Variants in NBEA observed in about 807,000 individuals in gnomAD.
NBEA encodes the protein lysosomal-trafficking regulator 2.
In NBEA, 44 loss-of-function variants were observed where a neutral mutation model predicts 343.4. The ratio of observed to expected loss-of-function variants is 0.13; its 90% CI spans 0.10 to 0.16. NBEA has a LOEUF of 0.16. Ranked by LOEUF, NBEA falls within the 10% of genes least tolerant of loss-of-function variation. The pLI is 1.00. For missense variants in NBEA, 2,555 were observed against 3,631.3 expected (o/e 0.70, Z 7.62); for synonymous variants, 1,175 against 1,238.7 (o/e 0.95, Z 1.08).
At chr13:35,488,730 T>G (rs1566211127) in intron 41 of NBEA, among the ~76,000 whole-genome samples, 1 of 152,018 alleles carries the variant, frequency 6.6e-6, no homozygotes, top group East Asian at 1.9e-4. Flanking sequence ...ATGTGAAAAT[T>G]TGTAAATTAA....
At chr13:35,236,506 G>A (rs868196586) in intron 34 of NBEA, among the ~76,000 whole-genome samples, 6 of 152,128 alleles carry the variant, frequency 3.9e-5, no homozygotes, top group Middle Eastern at 3.4e-3. Context: ...GAGTGTAGTG[G>A]CACTATCTTG....
At chr13:35,158,975 A>G (rs1334136563) in intron 21 of NBEA, 41 bp from the exon 22 acceptor site, 14 of 1,437,530 alleles carry the variant, frequency 9.7e-6, no homozygotes, top group African/African-American at 1.4e-5. Context: ...TCTTTTTGAT[A>G]TGTACAAAAT....
At chr13:35,302,085 C>T (rs551191362) in intron 35 of NBEA, among the ~76,000 whole-genome samples, 30 of 152,322 alleles carry the variant, frequency 2.0e-4, no homozygotes, top group African/African-American at 7.0e-4. Flanking sequence ...CAAACTGTAA[C>T]GCATGCCAAC....
At chr13:35,549,132 A>G (rs1431709826) in intron 41 of NBEA, among the ~76,000 whole-genome samples, 3 of 152,184 alleles carry the variant, frequency 2.0e-5, no homozygotes, top group Non-Finnish European at 4.4e-5. Context: ...TCAGATTTAA[A>G]TAGACGTCTG....
intron 43 of NBEA, among the ~76,000 whole-genome samples, chr13:35,551,945 A>G (rs1431798496): frequency 6.6e-6 from 1 of 152,216 alleles, no homozygotes; most frequent in Non-Finnish European, 1.5e-5. Flanking sequence ...TTCCTAAAAC[A>G]ATCACTGCCA....
intron 33 of NBEA, among the ~76,000 whole-genome samples, chr13:35,228,899 A>G (rs1483804834): frequency 6.6e-6 from 1 of 152,060 alleles, no homozygotes; most frequent in African/African-American, 2.4e-5. Flanking sequence ...AACTTAACCA[A>G]ATATTAAGTT....
intron 11 of NBEA, among the ~76,000 whole-genome samples, chr13:35,100,560 C>T (rs968488346): frequency 2.6e-5 from 4 of 151,778 alleles, no homozygotes; most frequent in Admixed American, 6.6e-5. Context: ...GGACTTACCC[C>T]GTTAAATAAT....
At chr13:34,988,855 C>T (rs1002076954) in intron 1 of NBEA, among the ~76,000 whole-genome samples, 1 of 150,906 alleles carries the variant, frequency 6.6e-6, no homozygotes, top group African/African-American at 2.4e-5. Context: ...CTGTAAACAG[C>T]ATGTAGCTGA....
At chr13:35,064,807 G>A (rs1004693360) in intron 8 of NBEA, among the ~76,000 whole-genome samples, 2 of 151,680 alleles carry the variant, frequency 1.3e-5, no homozygotes, top group Non-Finnish European at 2.9e-5. Flanking sequence ...GGAAAGAAAA[G>A]GTGGTTAGAC....
At position 35,182,356 on chromosome 13, in the gene NBEA, A is replaced by G. The variant is rs1029016138; in HGVS notation, c.4663-4A>G. 3 of 1,590,916 alleles carry G rather than the reference A, an allele frequency of 1.9e-6. No individual in the cohort carries two copies. Among genetic ancestry groups the G allele is most frequent in the African/African-American group, 1.4e-5 (1 of 73,364 alleles). ...TGTTAAAACTGTCTTTTCATTTTTC[A>G]TAGGATGATAGCAAACAAGCACAGT... On this transcript the variant is annotated splice_polypyrimidine_tract_variant and splice_region_variant and intron_variant, in intron 28 of 58. Coordinates refer to ENST00000379939, the MANE Select transcript of NBEA (RefSeq NM_001385012.1).
At chr13:35,400,941 C>T (rs950681619) in intron 38 of NBEA, among the ~76,000 whole-genome samples, 1 of 151,780 alleles carries the variant, frequency 6.6e-6, no homozygotes. Flanking sequence ...TTTCCTCGTC[C>T]ACATGGCACA....
rs539803809 is a variant in NBEA, at chr13:35,299,516, G to A, written c.5838+9066G>A. On this transcript the variant is annotated intron_variant, in intron 35 of 58. Transcript: ENST00000379939. ...TCTTCAAAGTGTTTAGTTTCAAAGG[G>A]TCCTTAACATGAGATCCAGTTCCCT... Among the ~76,000 whole-genome samples the A allele has an allele frequency of 5.5e-4, 84 of 152,252 alleles. No homozygotes were observed. In the Middle Eastern group the frequency reaches 0.014, roughly 25 times the overall value.
At chr13:35,058,666 C>A (rs776191387) in intron 7 of NBEA, 51 bp from the exon 8 acceptor site, 452 of 1,445,596 alleles carry the variant, frequency 3.1e-4, no homozygotes, top group Non-Finnish European at 3.9e-4. Flanking sequence ...AGGATTTAAA[C>A]CTTTTTGTCA....
chr13:35,157,052 A>G (rs1042277516), intron 20 of NBEA, 26 bp from the exon 21 acceptor site: 1 of 1,492,022 alleles, frequency 6.7e-7, no homozygotes, highest in Non-Finnish European at 9.0e-7. Context: ...GATATTTTTA[A>G]TGAGATCAAA....
chr13:35,138,459 C>CTT (rs1230686366), intron 17 of NBEA, among the ~76,000 whole-genome samples: 3,632 of 136,414 alleles, frequency 0.027, 84 homozygotes, highest in South Asian at 0.074. Flanking sequence ...AATTATGCTA[C>CTT]TTTTTTTTTT....
chr13:35,172,275 A>T (rs1268218699), intron 26 of NBEA, among the ~76,000 whole-genome samples: 1 of 151,858 alleles, frequency 6.6e-6, no homozygotes, highest in Non-Finnish European at 1.5e-5. Flanking sequence ...TTTGTTTCGT[A>T]TTATTTATTT....
chr13:34,991,863 C>T lies in NBEA; in HGVS notation c.294+48749C>T, dbSNP rs560791592. ...GCTGGCAACCAATTCTTTTAAGTTT[C>T]TTCTTTTAAATTTAAAAATGTGTTT... On this transcript the variant is annotated intron_variant, in intron 1 of 58. Transcript: ENST00000379939. Among the ~76,000 whole-genome samples, 4 of 151,816 alleles carry T rather than the reference C, an allele frequency of 2.6e-5. No homozygotes were observed. In the South Asian group the frequency reaches 8.3e-4, roughly 32 times the overall value.
At chr13:35,466,695 C>G (rs1005530365) in intron 40 of NBEA, among the ~76,000 whole-genome samples, 2 of 152,116 alleles carry the variant, frequency 1.3e-5, no homozygotes, top group African/African-American at 4.8e-5. Flanking sequence ...TCTCAATCTC[C>G]TGGCCTCAAG....
intron 16 of NBEA, 42 bp from the exon 17 acceptor site, chr13:35,123,440 A>G (rs2066908035): frequency 1.7e-6 from 2 of 1,180,300 alleles, no homozygotes; most frequent in Non-Finnish European, 2.3e-6. Flanking sequence ...TTTTGTTTTT[A>G]ATATTAGTAA....
Sources: gnomAD v4.1 joint callset for allele counts (sites outside exome capture counted in the v4.1 genomes callset) on GRCh38, gnomAD v4.1.1 for gene constraint, MANE v1.5 for transcripts, NCBI Gene and HGNC (gene_info 2026-07-23, HGNC 2026-07-21) for gene names.